The following KCNQ1 variants were observed in gnomAD, a reference collection of about 807,000 sequenced individuals.
KCNQ1 encodes the protein potassium voltage-gated channel subfamily KQT member 1.
A neutral mutation model predicts 72.4 loss-of-function variants in KCNQ1; 49 were observed. That is an observed-to-expected ratio of 0.68 (90% confidence interval 0.54 to 0.86). The LOEUF (loss-of-function observed/expected upper bound fraction) is 0.86, where lower values mean the gene tolerates loss of function less well. Ranked by LOEUF, KCNQ1 falls within the 40% of genes least tolerant of loss-of-function variation. The probability of loss-of-function intolerance (pLI) is 0.00; values close to 1 mark genes in which losing one functional copy is unlikely to be tolerated. For synonymous variants in KCNQ1, 450 were observed against 412.6 expected, an observed-to-expected ratio of 1.09 and a Z score of -1.10; for missense variants, 790 against 945.1, an observed-to-expected ratio of 0.84 and a Z score of 2.15.
intron 2 of KCNQ1, among the ~76,000 whole-genome samples, chr11:2,560,360 G>T (rs1848145180): frequency 1.9e-5 from 1 of 53,472 alleles, no homozygotes; most frequent in Non-Finnish European, 3.6e-5. Flanking sequence ...AATGGGGGGG[G>T]TGACATCCAT....
At position 2,471,302 on chromosome 11, in the gene KCNQ1, C is replaced by T. The variant is rs1846451021; in HGVS notation, c.386+25818C>T. On this transcript the variant is annotated intron_variant, in intron 1 of 15. Coordinates refer to ENST00000155840, the MANE Select transcript of KCNQ1 (RefSeq NM_000218.3). The surrounding 1 kb of genome is among the most constrained non-coding windows in gnomAD (Gnocchi z 4.8). The stretch of plus-strand genomic sequence containing the variant: ...GCAAGTGGGGATCAGCAGGGCTGTA[C>T]CCCAAATGCTGCTTGCTTCTCCCGC... Among the ~76,000 whole-genome samples, 1 of 151,988 alleles carries T rather than the reference C, an allele frequency of 6.6e-6. No homozygotes were observed. Among genetic ancestry groups the T allele is most frequent in the African/African-American group, 2.4e-5 (1 of 41,350 alleles).
At chr11:2,521,114 C>T (rs1315391040) in intron 1 of KCNQ1, among the ~76,000 whole-genome samples, 3 of 152,096 alleles carry the variant, frequency 2.0e-5, no homozygotes, top group African/African-American at 7.2e-5. Flanking sequence ...TGTCAGGTCA[C>T]GGCCCAGTGG....
In KCNQ1 at chr11:2,674,860, A is replaced by T. The variant is rs921423145; in HGVS notation, c.1514+12779A>T. ...AAAAAAAAAAAAAAAAAAAAAAAAA[A>T]GCTCACTGGGCACCTTGGCTGCAGG... On this transcript the variant is annotated intron_variant, in intron 11 of 15. Transcript: ENST00000155840. This position sits in a 1 kb window ranked among gnomAD's most constrained non-coding sequence, Gnocchi z 5.9. The T allele has an allele frequency of 1.8e-5, 7 of 394,580 alleles. No individual in the cohort carries two copies. The South Asian group carries it at 5.2e-4, about 29-fold the overall frequency. 24.4% of individuals were successfully genotyped at this position (394,580 alleles called of 1,614,324 possible).
chr11:2,605,561 A>G (rs7130232), intron 10 of KCNQ1, among the ~76,000 whole-genome samples: 149,328 of 152,364 alleles, frequency 0.98, 73,188 homozygotes, highest in East Asian at 1. Flanking sequence ...CGCATTGAAC[A>G]TTCTTGGCAT....
rs777465004 is a variant in KCNQ1, at chr11:2,662,229, C to T, written c.1514+148C>T. ...ACTTGCCGTCTGCCTGGCCCCAACA[C>T]GGAGGCACCAGGCAAGAGAGGAGAG... On this transcript the variant is annotated intron_variant, in intron 11 of 15. Transcript: ENST00000155840. The T allele has an allele frequency of 9.3e-5, 96 of 1,035,590 alleles. 1 individual carries two copies. Among genetic ancestry groups the T allele is most frequent in the Admixed American group, 3.4e-4 (16 of 47,174 alleles). 64.2% of individuals were successfully genotyped at this position (1,035,590 alleles called of 1,614,324 possible). A position where few individuals can be genotyped will look rare whatever the true frequency, so the allele number is the denominator to read the frequency against.
chr11:2,682,474 A>ATGAGTGAG lies in KCNQ1; in HGVS notation c.1514+20393_1514+20394insTGAGTGAG, dbSNP rs1362110765. 2.4e-5 allele frequency: 7 copies of ATGAGTGAG among 292,962 alleles called. No homozygotes were observed. The highest frequency in any genetic ancestry group is 7.3e-5 in the East Asian group (1 of 13,718). The allele number at this position is 292,962 out of a possible 1,614,324, so 18.1% of individuals were successfully genotyped here. A position where few individuals can be genotyped will look rare whatever the true frequency, so the allele number is the denominator to read the frequency against. ...GTCACGGACCCTCAGTGAATGTTTG[A>ATGAGTGAG]CGAGTGAGTGAGTGAGTGAGTGAGT... On this transcript the variant is annotated intron_variant, in intron 11 of 15. Transcript: ENST00000155840. This position sits in a 1 kb window ranked among gnomAD's most constrained non-coding sequence, Gnocchi z 5.8.
chr11:2,811,744 A>C (rs1847489957), intron 15 of KCNQ1, among the ~76,000 whole-genome samples: 1 of 152,214 alleles, frequency 6.6e-6, no homozygotes, highest in Non-Finnish European at 1.5e-5. Flanking sequence ...GAGACGGTGC[A>C]GCAGTGGGCC....
intron 15 of KCNQ1, among the ~76,000 whole-genome samples, chr11:2,814,280 GGGAT>G (rs375570048): frequency 9.6e-4 from 133 of 138,336 alleles, no homozygotes; most frequent in South Asian, 9.2e-3. Flanking sequence ...GATGGATGGT[GGGAT>G]GGATGGATGG....
Position 2,620,117 on chromosome 11 carries a change from T to C in KCNQ1, c.1393+31263T>C. The C allele has an allele frequency of 5.0e-6, 2 of 398,190 alleles. No homozygotes were observed. The highest frequency in any genetic ancestry group is 7.1e-5 in the East Asian group (2 of 28,070). 24.7% of individuals were successfully genotyped at this position (398,190 alleles called of 1,614,324 possible). ...GCAAGTGGTAACATGCAGTATTTGG[T>C]TTTCTGTTCCTGCATTAATTTGCTT... On this transcript the variant is annotated intron_variant, in intron 10 of 15. Coordinates refer to ENST00000155840, the MANE Select transcript of KCNQ1 (RefSeq NM_000218.3). The surrounding 1 kb of genome is among the most constrained non-coding windows in gnomAD (Gnocchi z 4.5).
chr11:2,473,905 C>T lies in KCNQ1; in HGVS notation c.386+28421C>T, dbSNP rs369319133. On this transcript the variant is annotated intron_variant, in intron 1 of 15. Transcript: ENST00000155840. This position sits in a 1 kb window ranked among gnomAD's most constrained non-coding sequence, Gnocchi z 6.0. ...GGGAGCCTGGGAGAGCCCTGCCTCC[C>T]GGAACGGACATCCTCCTTCACCAAA... Among the ~76,000 whole-genome samples, 1 of 152,220 alleles carries T rather than the reference C, an allele frequency of 6.6e-6. No individual in the cohort carries two copies. The highest frequency in any genetic ancestry group is 1.5e-5 in the Non-Finnish European group (1 of 68,022).
chr11:2,848,677 G>A lies in KCNQ1; in HGVS notation c.*674G>A. 1 of 450,104 alleles carries A rather than the reference G, an allele frequency of 2.2e-6. No homozygotes were observed. Among genetic ancestry groups the A allele is most frequent in the Middle Eastern group, 7.0e-4 (1 of 1,430 alleles). 27.9% of individuals were successfully genotyped at this position (450,104 alleles called of 1,614,324 possible). On this transcript the variant is annotated 3_prime_UTR_variant, in exon 16 of 16. Transcript: ENST00000155840. The stretch of plus-strand genomic sequence containing the variant: ...AACGCCCACTTCCCTGGGTTAGACT[G>A]CCAGCTCTTCCTAGCTGGAGAGGAG...
In KCNQ1 at chr11:2,623,909, C is replaced by A. The variant is rs945047709; in HGVS notation, c.1393+35055C>A. On this transcript the variant is annotated intron_variant, in intron 10 of 15. Coordinates refer to ENST00000155840, the MANE Select transcript of KCNQ1 (RefSeq NM_000218.3). The surrounding 1 kb of genome is among the most constrained non-coding windows in gnomAD (Gnocchi z 5.2). ...ACATTCAGAAGTGGAATTGATGGAT[C>A]CTATGATAATTCCATTTTTAATTCT... 27 of 398,408 alleles carry A rather than the reference C, an allele frequency of 6.8e-5. No homozygotes were observed. The highest frequency in any genetic ancestry group is 5.6e-4 in the African/African-American group (27 of 48,586). 24.7% of individuals were successfully genotyped at this position (398,408 alleles called of 1,614,324 possible).
chr11:2,465,229 C>T (rs1258254960), intron 1 of KCNQ1, among the ~76,000 whole-genome samples: 1 of 152,164 alleles, frequency 6.6e-6, no homozygotes, highest in Non-Finnish European at 1.5e-5. Context: ...GCACAGTCAT[C>T]ACTCACTGCA....
chr11:2,616,042 T>TG (rs1849058460), intron 10 of KCNQ1: 2 of 398,188 alleles, frequency 5.0e-6, no homozygotes. Context: ...CTACTTGTTA[T>TG]GGGTCTGCTC....
chr11:2,838,748 G>A (rs552012958), intron 15 of KCNQ1, among the ~76,000 whole-genome samples: 9 of 152,200 alleles, frequency 5.9e-5, no homozygotes, highest in East Asian at 1.9e-4. Flanking sequence ...CCCCGTGGCC[G>A]GGCTGGGGTT....
rs1265600070 is a variant in KCNQ1, at chr11:2,697,828, T to A, written c.1514+35747T>A. 8 of 398,552 alleles carry A rather than the reference T, an allele frequency of 2.0e-5. No individual in the cohort carries two copies. In the South Asian group the frequency reaches 6.4e-4, roughly 32 times the overall value. 24.7% of individuals were successfully genotyped at this position (398,552 alleles called of 1,614,324 possible). A position where few individuals can be genotyped will look rare whatever the true frequency, so the allele number is the denominator to read the frequency against. On this transcript the variant is annotated intron_variant, in intron 11 of 15. Transcript: ENST00000155840. ...ATAAGGGAAATTCTTTATAGTTTTC[T>A]TGTGCTTTCTATCTGAATTTGGACA...
intron 6 of KCNQ1, among the ~76,000 whole-genome samples, chr11:2,577,769 C>T (rs1025107265): frequency 7.2e-5 from 11 of 152,128 alleles, no homozygotes; most frequent in East Asian, 1.9e-4. Context: ...GGCGGCCCCA[C>T]GGGGGCTGGG....
chr11:2,576,460 T>G (rs906743672), intron 6 of KCNQ1, among the ~76,000 whole-genome samples: 14 of 152,342 alleles, frequency 9.2e-5, no homozygotes, highest in African/African-American at 3.4e-4. Context: ...AGAAGCAGTT[T>G]TTGCAAACAC....
At position 2,704,353 on chromosome 11, in the gene KCNQ1, G is replaced by A. The variant is rs950207212; in HGVS notation, c.1514+42272G>A. On this transcript the variant is annotated intron_variant, in intron 11 of 15. Transcript: ENST00000155840. The surrounding 1 kb of genome is among the most constrained non-coding windows in gnomAD (Gnocchi z 4.3). Reference sequence around the variant, plus strand: ...CTGTTGTCAACTCTGTTCCCACTGAGCCCATGAGACGGCTATTCCTTTGAG... The same window carrying A: ...CTGTTGTCAACTCTGTTCCCACTGAACCCATGAGACGGCTATTCCTTTGAG... 3.5e-4 allele frequency among the ~76,000 whole-genome samples: 53 copies of A among 152,296 alleles called. No homozygotes were observed. The highest frequency in any genetic ancestry group is 6.8e-3 in the Middle Eastern group (2 of 294).
Sources: allele counts gnomAD v4.1 joint callset (sites outside exome capture counted in the v4.1 genomes callset), GRCh38; gene constraint gnomAD v4.1.1; non-coding constraint Gnocchi (gnomAD v3.1); transcripts MANE v1.5; gene names NCBI Gene and HGNC (gene_info 2026-07-23, HGNC 2026-07-21).